THSD7A: variants seen among roughly 807,000 people sequenced by gnomAD.
THSD7A encodes thrombospondin type 1 domain containing 7A, also known as thrombospondin type-1 domain-containing protein 7A.
THSD7A carries 96 observed loss-of-function variants against 231.3 expected under a neutral mutation model. That is an observed-to-expected ratio of 0.41 (90% CI 0.35 to 0.49). The LOEUF is 0.49. THSD7A is among the 20% of genes least tolerant of loss of function. The pLI is 0.05. For missense variants in THSD7A, 2,290 were observed against 2,070.2 expected (o/e 1.11, Z -2.06); for synonymous variants, 940 against 743.3 (o/e 1.26, Z -4.30).
chr7:11,696,589 C>T (rs1444427486), intron 1 of THSD7A, among the ~76,000 whole-genome samples: 2 of 151,212 alleles, frequency 1.3e-5, no homozygotes, highest in Non-Finnish European at 3.0e-5. Flanking sequence ...CCTCGCCTAT[C>T]CCCCTCCCCC....
chr7:11,387,330 C>T (rs908421780), intron 23 of THSD7A, among the ~76,000 whole-genome samples: 1 of 152,120 alleles, frequency 6.6e-6, no homozygotes, highest in Non-Finnish European at 1.5e-5. Flanking sequence ...AATATTGATT[C>T]TTCCTATCCA....
At chr7:11,787,478 G>C (rs75902814) in intron 1 of THSD7A, among the ~76,000 whole-genome samples, 1 of 151,940 alleles carries the variant, frequency 6.6e-6, no homozygotes. Context: ...GACAAGCCAC[G>C]CATTGGGAGA....
intron 1 of THSD7A, among the ~76,000 whole-genome samples, chr7:11,782,711 C>T (rs1783671798): frequency 6.6e-6 from 1 of 152,108 alleles, no homozygotes; most frequent in Admixed American, 6.5e-5. Flanking sequence ...TTACTCTCTC[C>T]TACTTCTTAA....
chr7:11,415,135 C>T (rs1032810223), intron 17 of THSD7A, among the ~76,000 whole-genome samples: 17 of 152,226 alleles, frequency 1.1e-4, no homozygotes, highest in African/African-American at 4.1e-4. Context: ...TCAAATGTGG[C>T]CAATTGTTCA....
intron 1 of THSD7A, among the ~76,000 whole-genome samples, chr7:11,680,903 T>C (rs1266998116): frequency 6.6e-6 from 1 of 152,114 alleles, no homozygotes; most frequent in Non-Finnish European, 1.5e-5. Flanking sequence ...CATGCACACA[T>C]ATGTTTATTG....
rs1160876040 is a variant in THSD7A at position 11,374,458 on chromosome 7, G to A, written c.*1336C>T. The A allele has an allele frequency of 1.3e-5, 2 of 152,008 alleles. No homozygotes were observed. Among genetic ancestry groups the A allele is most frequent in the African/African-American group, 4.8e-5 (2 of 41,402 alleles). The allele number at this position is 152,008 out of a possible 1,614,324, so 9.4% of individuals were successfully genotyped here. A position where few individuals can be genotyped will look rare whatever the true frequency, so the allele number is the denominator to read the frequency against. On this transcript the variant is annotated 3_prime_UTR_variant, in exon 28 of 28. Coordinates refer to ENST00000423059, the MANE Select transcript of THSD7A (RefSeq NM_015204.3). The stretch of plus-strand genomic sequence containing the variant: ...CCAGTGAGAAAGGCAAAAGACTATG[G>A]ATTTTGAAATAACTGCCTGCAAGAC...
chr7:11,680,994 A>G (rs1028912916), intron 1 of THSD7A, among the ~76,000 whole-genome samples: 2 of 152,190 alleles, frequency 1.3e-5, no homozygotes, highest in Admixed American at 1.3e-4. Context: ...AATGTGGCAC[A>G]TATACACCAT....
At chr7:11,733,342 A>C (rs1284678302) in intron 1 of THSD7A, among the ~76,000 whole-genome samples, 15 of 151,936 alleles carry the variant, frequency 9.9e-5, no homozygotes, top group Non-Finnish European at 1.5e-5. Flanking sequence ...TACAGTGGTC[A>C]ATACATCATT....
intron 1 of THSD7A, among the ~76,000 whole-genome samples, chr7:11,690,099 T>C (rs1323251023): frequency 6.6e-6 from 1 of 151,778 alleles, no homozygotes; most frequent in Non-Finnish European, 1.5e-5. Flanking sequence ...TATATTTTTA[T>C]CCATTGATTT....
intron 13 of THSD7A, among the ~76,000 whole-genome samples, chr7:11,438,603 G>C (rs1035565049): frequency 6.6e-5 from 10 of 151,982 alleles, no homozygotes; most frequent in Non-Finnish European, 1.5e-4. Flanking sequence ...TAATGTTAAA[G>C]AGATATTATA....
At chr7:11,378,016 A>T (rs572121812) in intron 26 of THSD7A, 2 of 152,254 alleles carry the variant, frequency 1.3e-5, no homozygotes, top group Admixed American at 6.6e-5. Flanking sequence ...TTTGCAAAAT[A>T]AATCATACTA....
intron 1 of THSD7A, among the ~76,000 whole-genome samples, chr7:11,817,133 G>A (rs781550577): frequency 1.6e-4 from 25 of 152,184 alleles, no homozygotes; most frequent in Non-Finnish European, 3.1e-4. Context: ...ATATTGACAT[G>A]TGAAAGTAGG....
At chr7:11,744,422 T>C (rs1782211842) in intron 1 of THSD7A, among the ~76,000 whole-genome samples, 1 of 151,164 alleles carries the variant, frequency 6.6e-6, no homozygotes, top group Admixed American at 6.6e-5. Flanking sequence ...CCAGGTTTTT[T>C]TATTATTTTT....
At chr7:11,692,037 A>T (rs995940332) in intron 1 of THSD7A, among the ~76,000 whole-genome samples, 1 of 151,588 alleles carries the variant, frequency 6.6e-6, no homozygotes, top group Non-Finnish European at 1.5e-5. Context: ...TTATAAAGCC[A>T]CAAGTGTCAA....
At chr7:11,591,893 A>T (rs1562751670) in intron 3 of THSD7A, among the ~76,000 whole-genome samples, 1 of 152,246 alleles carries the variant, frequency 6.6e-6, no homozygotes, top group East Asian at 1.9e-4. Flanking sequence ...GTCCAATGAG[A>T]GGAATAGCCT....
At chr7:11,611,325 A>G (rs991079733) in intron 2 of THSD7A, among the ~76,000 whole-genome samples, 1 of 151,980 alleles carries the variant, frequency 6.6e-6, no homozygotes, top group Non-Finnish European at 1.5e-5. Flanking sequence ...TTGGGAAGGG[A>G]AGATCTATTA....
intron 1 of THSD7A, among the ~76,000 whole-genome samples, chr7:11,728,438 A>C (rs1781618221): frequency 6.6e-6 from 1 of 151,958 alleles, no homozygotes; most frequent in African/African-American, 2.4e-5. Flanking sequence ...ATATGACTTG[A>C]AAAGTATATA....
chr7:11,750,884 C>A (rs1321459457), intron 1 of THSD7A, among the ~76,000 whole-genome samples: 2 of 152,006 alleles, frequency 1.3e-5, no homozygotes, highest in African/African-American at 2.4e-5. Context: ...CAGGGGATTA[C>A]TAGACAATAG....
intron 13 of THSD7A, among the ~76,000 whole-genome samples, chr7:11,445,763 C>T (rs912954208): frequency 1.3e-5 from 2 of 151,994 alleles, no homozygotes; most frequent in African/African-American, 2.4e-5. Context: ...AATGTACAGG[C>T]TCTTGATAAG....
Sources: allele counts gnomAD v4.1 joint callset (sites outside exome capture counted in the v4.1 genomes callset), GRCh38; gene constraint gnomAD v4.1.1; transcripts MANE v1.5; gene names NCBI Gene and HGNC (gene_info 2026-07-23, HGNC 2026-07-21).